Variants in ZNRF1 observed in about 807,000 individuals in gnomAD.
The protein encoded by ZNRF1 is E3 ubiquitin-protein ligase ZNRF1.
A neutral mutation model predicts 18.4 loss-of-function variants in ZNRF1; 3 were observed. The observed-to-expected ratio is 0.16, with a 90% CI of 0.07 to 0.42. The LOEUF (loss-of-function observed/expected upper bound fraction) is 0.42. ZNRF1 is among the 10% of genes least tolerant of loss of function. The pLI is 0.99. For missense variants in ZNRF1, 310 were observed against 329.8 expected (o/e 0.94, Z 0.47); for synonymous variants, 157 against 144.2 (o/e 1.09, Z -0.64).
intron 1 of ZNRF1, among the ~76,000 whole-genome samples, chr16:75,042,440 TTTC>T (rs1289622308): frequency 8.8e-5 from 9 of 102,024 alleles, no homozygotes; most frequent in East Asian, 6.1e-4. Flanking sequence ...TGTCTGTTTC[TTTC>T]TTTTTTTTTT....
At chr16:75,007,021 CTCAAGTG>C (rs1192834456) in intron 1 of ZNRF1, among the ~76,000 whole-genome samples, 1 of 151,468 alleles carries the variant, frequency 6.6e-6, no homozygotes, top group Non-Finnish European at 1.5e-5. Context: ...AAGACCAGCC[CTCAAGTG>C]TGAAGTGTGA....
intron 1 of ZNRF1, among the ~76,000 whole-genome samples, chr16:75,019,080 T>A (rs1457382536): frequency 6.6e-6 from 1 of 152,262 alleles, no homozygotes; most frequent in Middle Eastern, 3.4e-3. Context: ...GCAGGATGAC[T>A]GCTTGAACCC....
At chr16:75,035,877 C>A (rs1597871656) in intron 1 of ZNRF1, among the ~76,000 whole-genome samples, 1 of 152,196 alleles carries the variant, frequency 6.6e-6, no homozygotes, top group East Asian at 1.9e-4. Context: ...TAGTTAAACT[C>A]TGCCATTTTG....
At chr16:75,069,494 A>C (rs538603271) in intron 1 of ZNRF1, among the ~76,000 whole-genome samples, 1 of 152,050 alleles carries the variant, frequency 6.6e-6, no homozygotes, top group South Asian at 2.1e-4. Flanking sequence ...GCTCACTGCA[A>C]CCTCCACCTC....
chr16:75,109,332 C>T lies in ZNRF1; in HGVS notation c.*1632C>T, dbSNP rs997809623. ...TCCCGGAGCAGCATTCCAGAGCCTC[C>T]TGCAGAGCCAGCGAAGGAAAGCTCT... On this transcript the variant is annotated 3_prime_UTR_variant, in exon 5 of 5. Transcript: ENST00000335325. 1 of 152,720 alleles carries T rather than the reference C, an allele frequency of 6.5e-6. No homozygotes were observed. Among genetic ancestry groups the T allele is most frequent in the Non-Finnish European group, 1.5e-5 (1 of 68,362 alleles). The allele number at this position is 152,720 out of a possible 1,614,324, so 9.5% of individuals were successfully genotyped here.
chr16:75,063,886 GC>G (rs970443730), intron 1 of ZNRF1, among the ~76,000 whole-genome samples: 1 of 152,300 alleles, frequency 6.6e-6, no homozygotes, highest in Admixed American at 6.5e-5. Context: ...GTGTGTATCT[GC>G]CCCCCTCATG....
chr16:75,055,187 C>G (rs1345030470), intron 1 of ZNRF1, among the ~76,000 whole-genome samples: 2 of 152,198 alleles, frequency 1.3e-5, no homozygotes, highest in Non-Finnish European at 2.9e-5. Flanking sequence ...TGGACTCTTT[C>G]CATTGCTCCC....
intron 2 of ZNRF1, among the ~76,000 whole-genome samples, chr16:75,101,541 T>C (rs1366213050): frequency 6.6e-6 from 1 of 151,630 alleles, no homozygotes; most frequent in Non-Finnish European, 1.5e-5. Flanking sequence ...CGAGACTCCA[T>C]GTCAAAAAAA....
intron 1 of ZNRF1, among the ~76,000 whole-genome samples, chr16:75,056,946 CTT>C (rs139428319): frequency 0.066 from 9,972 of 152,178 alleles, 375 homozygotes; most frequent in East Asian, 0.15. Context: ...CAGGAAAAGA[CTT>C]TTTAATGCCA....
chr16:75,002,491 C>T (rs1254835809), intron 1 of ZNRF1: 1 of 152,160 alleles, frequency 6.6e-6, no homozygotes, highest in African/African-American at 2.4e-5. Flanking sequence ...TCAAGGTGCT[C>T]TTGCAACTCT....
At chr16:75,091,458 T>G (rs1371889931) in intron 1 of ZNRF1, among the ~76,000 whole-genome samples, 2 of 151,922 alleles carry the variant, frequency 1.3e-5, no homozygotes, top group Non-Finnish European at 2.9e-5. Flanking sequence ...GAGTCCAGTC[T>G]TTACAACAGT....
chr16:75,051,663 A>G (rs9929986), intron 1 of ZNRF1, among the ~76,000 whole-genome samples: 3,377 of 151,988 alleles, frequency 0.022, 102 homozygotes, highest in African/African-American at 0.07. Context: ...GATTACAGGC[A>G]TGTGCCACCA....
chr16:75,074,174 C>T lies in ZNRF1; in HGVS notation c.425-19398C>T, dbSNP rs367867712. 1.5e-4 allele frequency among the ~76,000 whole-genome samples: 23 copies of T among 152,234 alleles called. 2 individuals carry two copies. The highest frequency in any genetic ancestry group is 1.0e-3 in the South Asian group (5 of 4,826). On this transcript the variant is annotated intron_variant, in intron 1 of 4. Transcript: ENST00000335325. ...TAGTCTGTTCTGCTCTCCTGCTGTC[C>T]GTGACCGTTGCTAGACCTCCTGTAT... is the stretch of plus-strand genomic sequence containing the variant.
At chr16:75,080,838 C>T (rs1464997452) in intron 1 of ZNRF1, among the ~76,000 whole-genome samples, 2 of 152,106 alleles carry the variant, frequency 1.3e-5, no homozygotes, top group Non-Finnish European at 2.9e-5. Flanking sequence ...CCCACTACTG[C>T]ACTCCAGCCT....
At chr16:75,042,285 G>A (rs1451771484) in intron 1 of ZNRF1, among the ~76,000 whole-genome samples, 1 of 151,950 alleles carries the variant, frequency 6.6e-6, no homozygotes, top group East Asian at 1.9e-4. Flanking sequence ...TATGAATGAT[G>A]CTTTTGGTAT....
At chr16:75,095,180 TG>T (rs1411346843) in intron 2 of ZNRF1, 3 of 154,990 alleles carry the variant, frequency 1.9e-5, no homozygotes, top group Non-Finnish European at 4.3e-5. Flanking sequence ...ATTACCCACG[TG>T]GCTCAGCTCC....
intron 1 of ZNRF1, among the ~76,000 whole-genome samples, chr16:75,028,555 A>G (rs967066864): frequency 6.6e-6 from 1 of 152,256 alleles, no homozygotes; most frequent in Non-Finnish European, 1.5e-5. Context: ...TTGGGCTCCC[A>G]AAGTGCTGGG....
intron 1 of ZNRF1, among the ~76,000 whole-genome samples, chr16:75,033,377 A>G (rs1277662946): frequency 6.6e-6 from 1 of 151,744 alleles, no homozygotes; most frequent in Non-Finnish European, 1.5e-5. Context: ...CAATTCATGA[A>G]CACGGTATTT....
At chr16:75,010,129 C>T (rs1189718788) in intron 1 of ZNRF1, among the ~76,000 whole-genome samples, 3 of 152,004 alleles carry the variant, frequency 2.0e-5, no homozygotes, top group Admixed American at 6.6e-5. Context: ...ATTATAGGCG[C>T]CTACCATCAT....
Sources: allele counts gnomAD v4.1 joint callset (sites outside exome capture counted in the v4.1 genomes callset), GRCh38; gene constraint gnomAD v4.1.1; transcripts MANE v1.5; gene names NCBI Gene and HGNC (gene_info 2026-07-23, HGNC 2026-07-21).